The following TANC1 variants were observed in gnomAD, a reference collection of about 807,000 sequenced individuals.
TANC1 encodes protein TANC1.
In TANC1, 77 loss-of-function variants were observed where a neutral mutation model predicts 149.7. The observed-to-expected ratio is 0.51, with a 90% confidence interval of 0.43 to 0.62. TANC1 has a LOEUF of 0.62. Among genes scored for constraint, TANC1 ranks in the 20% least tolerant of loss-of-function variants. TANC1 has a pLI of 0.00. For synonymous variants in TANC1, 854 were observed against 925.0 expected (o/e 0.92, Z 1.39); for missense variants, 1,985 against 2,321.8 (o/e 0.85, Z 2.98).
intron 3 of TANC1, among the ~76,000 whole-genome samples, chr2:159,089,137 G>A (rs2045270470): frequency 6.6e-6 from 1 of 151,998 alleles, no homozygotes; most frequent in South Asian, 2.1e-4. Flanking sequence ...TTCCACAGTG[G>A]GCTGGGCTCT....
chr2:158,999,632 C>G (rs891837683), intron 1 of TANC1, among the ~76,000 whole-genome samples: 1 of 151,996 alleles, frequency 6.6e-6, no homozygotes, highest in Non-Finnish European at 1.5e-5. Context: ...TGGTTTTTTT[C>G]TTTCATCAAA....
chr2:159,206,225 G>T (rs2058595574), intron 19 of TANC1, among the ~76,000 whole-genome samples: 1 of 152,188 alleles, frequency 6.6e-6, no homozygotes, highest in Non-Finnish European at 1.5e-5. Context: ...ACAAAGTGGG[G>T]TTACCAACAT....
intron 3 of TANC1, among the ~76,000 whole-genome samples, chr2:159,094,719 A>G (rs1488277814): frequency 5.7e-5 from 8 of 140,180 alleles, no homozygotes; most frequent in Non-Finnish European, 1.1e-4. Flanking sequence ...ATTGGTGACA[A>G]TGGTATCTTA....
rs2060334871 is a variant in TANC1 at position 159,231,635 on chromosome 2, T to G, written c.*623T>G. On this transcript the variant is annotated 3_prime_UTR_variant, in exon 27 of 27. Coordinates refer to ENST00000263635, the MANE Select transcript of TANC1 (RefSeq NM_033394.3). ...ACACTTATTTCTGTGTTATGGTTCT[T>G]ATTCATATATTTTTATAGCACTTTT... The G allele has an allele frequency of 8.0e-6, 1 of 124,870 alleles. No individual in the cohort carries two copies. Among genetic ancestry groups the G allele is most frequent in the Admixed American group, 9.8e-5 (1 of 10,216 alleles). 7.7% of individuals were successfully genotyped at this position (124,870 alleles called of 1,614,324 possible).
chr2:159,175,956 G>A (rs1294467736), intron 12 of TANC1, among the ~76,000 whole-genome samples: 1 of 152,184 alleles, frequency 6.6e-6, no homozygotes, highest in Non-Finnish European at 1.5e-5. Flanking sequence ...CAGCGAGGGG[G>A]TCAGTTTCCC....
intron 19 of TANC1, among the ~76,000 whole-genome samples, chr2:159,214,010 C>T (rs560249375): frequency 4.6e-5 from 7 of 151,710 alleles, no homozygotes; most frequent in South Asian, 2.1e-4. Flanking sequence ...CCTGTAATCC[C>T]AGCTACTTGG....
intron 5 of TANC1, among the ~76,000 whole-genome samples, chr2:159,146,722 A>G (rs1256172121): frequency 2.0e-5 from 3 of 151,600 alleles, no homozygotes; most frequent in Non-Finnish European, 2.9e-5. Context: ...TGTATTTTTA[A>G]TAGAGATGGG....
chr2:159,172,059 T>A, intron 10 of TANC1, 62 bp from the exon 11 acceptor site: 1 of 1,503,886 alleles, frequency 6.6e-7, no homozygotes, highest in Non-Finnish European at 9.1e-7. Flanking sequence ...TCAAGAAATA[T>A]ATTCAATACC....
Position 159,194,416 on chromosome 2 carries a change from G to A in TANC1, c.2902G>A (p.Gly968Ser), listed in dbSNP as rs1310313241. The change falls in exon 17 of 27, where the codon GGC becomes AGC. Residue 968 changes from glycine (G) to serine (S), a missense_variant. Transcript: ENST00000263635. ...GACLDGTSEN[G>S]MTALCYAAAA... ...CTGCCTGGACGGAACGTCAGAGAAC[G>A]GCATGACTGCCCTCTGTTACGCAGC... 6 of 1,614,142 alleles carry A rather than the reference G, an allele frequency of 3.7e-6. No individual in the cohort carries two copies. The highest frequency in any genetic ancestry group is 3.3e-5 in the Admixed American group (2 of 60,016).
intron 2 of TANC1, among the ~76,000 whole-genome samples, chr2:159,002,481 T>G (rs138843307): frequency 6.6e-6 from 1 of 152,226 alleles, no homozygotes; most frequent in East Asian, 1.9e-4. Context: ...TTGCCACAGA[T>G]TTTCTTTGTT....
intron 2 of TANC1, among the ~76,000 whole-genome samples, chr2:159,032,584 C>T (rs140941953): frequency 2.0e-5 from 3 of 152,212 alleles, no homozygotes; most frequent in South Asian, 2.1e-4. Flanking sequence ...TCTACTGTTT[C>T]GAATTTTACA....
chr2:159,027,497 T>A (rs1167077878), intron 2 of TANC1, among the ~76,000 whole-genome samples: 3 of 152,230 alleles, frequency 2.0e-5, no homozygotes, highest in Admixed American at 2.0e-4. Context: ...TTCAAATTTC[T>A]ACCAACATTT....
rs748863630 is a variant in TANC1, at chr2:159,230,927, A to G, written c.5501A>G (p.Gln1834Arg). 5 of 1,614,112 alleles carry G rather than the reference A, an allele frequency of 3.1e-6. No individual in the cohort carries two copies. In the African/African-American group the frequency reaches 4.0e-5, roughly 13 times the overall value. ...CTGTACCAGGAAAGTATCTCCAAACAGCAGCCTCATATTAGTAATGAAGCC... is the reference window on the plus strand; with the variant it reads ...CTGTACCAGGAAAGTATCTCCAAACGGCAGCCTCATATTAGTAATGAAGCC... ...SHLYQESISKQQPHISNEAHR... is the reference protein window; with the variant it reads ...SHLYQESISKRQPHISNEAHR... The change falls in exon 27 of 27, where the codon CAG (glutamine) becomes CGG (arginine). Residue 1834 changes from glutamine (Q) to arginine (R), a missense_variant. Around this residue, in one of 3 missense-constraint regions of TANC1, gnomAD observed 920 missense variants for 994.7 expected, o/e 0.92. Coordinates refer to ENST00000263635, the MANE Select transcript of TANC1 (RefSeq NM_033394.3). The surrounding 1 kb of genome is among the most constrained non-coding windows in gnomAD (Gnocchi z 4.4).
intron 3 of TANC1, among the ~76,000 whole-genome samples, chr2:159,085,376 C>A (rs570731153): frequency 6.6e-6 from 1 of 152,194 alleles, no homozygotes; most frequent in African/African-American, 2.4e-5. Flanking sequence ...TATAGCAACT[C>A]AAAATGGACT....
rs2037875654 is a variant in TANC1 at position 159,012,554 on chromosome 2, G to A, written c.-16+11365G>A. On this transcript the variant is annotated intron_variant, in intron 2 of 26. Transcript: ENST00000263635. ...ACAAGAGACCCAGTTTTAAAGTTGT[G>A]CTTTCCCTCACACAGTTTTTTCCTA... 3.9e-5 allele frequency among the ~76,000 whole-genome samples: 6 copies of A among 151,916 alleles called. No homozygotes were observed. The South Asian group carries it at 1.2e-3, about 31-fold the overall frequency.
At chr2:159,122,700 T>A (rs56386027) in intron 4 of TANC1, among the ~76,000 whole-genome samples, 36,151 of 151,918 alleles carry the variant, frequency 0.24, 5,686 homozygotes, top group Non-Finnish European at 0.36. Flanking sequence ...CTGGCTTCTT[T>A]CGCTTAGCCT....
At chr2:159,140,870 T>C (rs998025333) in intron 5 of TANC1, among the ~76,000 whole-genome samples, 20 of 152,024 alleles carry the variant, frequency 1.3e-4, no homozygotes, top group African/African-American at 4.3e-4. Flanking sequence ...TTTGTATTTT[T>C]AGTAGAGACA....
intron 1 of TANC1, among the ~76,000 whole-genome samples, chr2:158,999,192 G>T (rs2036408756): frequency 6.6e-6 from 1 of 152,152 alleles, no homozygotes; most frequent in Admixed American, 6.5e-5. Flanking sequence ...GTAATGGTGT[G>T]CACAAAGCTT....
At chr2:159,025,346 A>G (rs965199604) in intron 2 of TANC1, among the ~76,000 whole-genome samples, 3 of 151,784 alleles carry the variant, frequency 2.0e-5, no homozygotes, top group Admixed American at 6.6e-5. Flanking sequence ...ACCACTAAGC[A>G]ATACAATGTT....
Sources: gnomAD v4.1 joint callset for allele counts (sites outside exome capture counted in the v4.1 genomes callset) on GRCh38, gnomAD v4.1.1 for gene constraint, gnomAD v4.1.1 regional missense constraint, Gnocchi (gnomAD v3.1) non-coding constraint, MANE v1.5 for transcripts, NCBI Gene and HGNC (gene_info 2026-07-23, HGNC 2026-07-21) for gene names.